The following HNF4G variants were observed in gnomAD, a reference collection of about 807,000 sequenced individuals.
The protein encoded by HNF4G is hepatocyte nuclear factor 4 gamma.
Under a neutral mutation model 50.9 loss-of-function variants are expected in HNF4G, and 21 were observed. The observed-to-expected ratio is 0.41, with a 90% CI of 0.29 to 0.59. The LOEUF (loss-of-function observed/expected upper bound fraction) is 0.59, where lower values mean the gene tolerates loss of function less well. HNF4G is among the 20% of genes least tolerant of loss of function. The pLI is 0.26. For synonymous variants in HNF4G, 198 were observed against 185.6 expected (o/e 1.07, Z -0.54); for missense variants, 527 against 559.4 (o/e 0.94, Z 0.58).
At chr8:75,513,898 GTTAAGAC>G (rs66526812) in intron 2 of HNF4G, among the ~76,000 whole-genome samples, 41,455 of 150,844 alleles carry the variant, frequency 0.27, 6,297 homozygotes, top group Middle Eastern at 0.45. Context: ...TCATTTTTAG[GTTAAGAC>G]TTTCTCTATA....
At chr8:75,501,537 T>C (rs1050406774) in intron 2 of HNF4G, among the ~76,000 whole-genome samples, 6 of 152,194 alleles carry the variant, frequency 3.9e-5, no homozygotes, top group African/African-American at 1.4e-4. Context: ...CATATAGTTT[T>C]GTTATTTTTT....
chr8:75,449,817 A>C (rs1811543969), intron 1 of HNF4G, among the ~76,000 whole-genome samples: 1 of 152,052 alleles, frequency 6.6e-6, no homozygotes, highest in African/African-American at 2.4e-5. Context: ...TATCTCAATA[A>C]TATTTTTTGT....
At chr8:75,536,748 A>G (rs918406663), upstream of HNF4G, among the ~76,000 whole-genome samples, 4 of 152,144 alleles carry the variant, frequency 2.6e-5, no homozygotes, top group Non-Finnish European at 4.4e-5. Context: ...ATTAGTATTA[A>G]GAGTATGCTG....
At position 75,448,289 on chromosome 8, in the gene HNF4G, G is replaced by C. The variant is rs1213529425; in HGVS notation, c.-144+40127G>C. ...CACACTCTGGGGACTGTGGTGGGGT[G>C]GGGGGAGGGGGGAGGGATATCATTG... On this transcript the variant is annotated intron_variant, in intron 1 of 10. Transcript: ENST00000354370. Among the ~76,000 whole-genome samples the C allele has an allele frequency of 9.9e-5, 11 of 111,116 alleles. No homozygotes were observed. The East Asian group carries it at 2.1e-3, about 21-fold the overall frequency. 72.9% of individuals were successfully genotyped at this position (111,116 alleles called of 152,430 possible). A position where few individuals can be genotyped will look rare whatever the true frequency, so the allele number is the denominator to read the frequency against.
intron 1 of HNF4G, among the ~76,000 whole-genome samples, chr8:75,448,313 T>A (rs1190467318): frequency 1.5e-5 from 2 of 136,694 alleles, no homozygotes; most frequent in African/African-American, 2.7e-5. Flanking sequence ...GGGATATCAT[T>A]GGGAGATATA....
chr8:75,488,257 AC>A (rs1402404325), intron 1 of HNF4G, among the ~76,000 whole-genome samples: 1 of 151,978 alleles, frequency 6.6e-6, no homozygotes, highest in Admixed American at 6.6e-5. Context: ...TGGTCATTGG[AC>A]TTTTTTTGTT....
chr8:75,552,184 G>A (rs936161858), intron 4 of HNF4G, among the ~76,000 whole-genome samples: 5 of 152,030 alleles, frequency 3.3e-5, no homozygotes, highest in Admixed American at 2.6e-4. Flanking sequence ...CCTATAATGA[G>A]TCAGTGCAAC....
intron 4 of HNF4G, 52 bp downstream of exon 4, chr8:75,551,546 T>A (rs1214874782): frequency 9.6e-7 from 1 of 1,037,136 alleles, no homozygotes. Context: ...CAAATGTCCA[T>A]GTAGGCATCA....
intron 1 of HNF4G, among the ~76,000 whole-genome samples, chr8:75,471,502 G>T (rs72658102): frequency 0.04 from 6,123 of 152,232 alleles, 150 homozygotes; most frequent in Middle Eastern, 0.068. Flanking sequence ...GTTTTTTCAA[G>T]ATGCTTTCTG....
chr8:75,460,307 T>C (rs762157445), intron 1 of HNF4G, among the ~76,000 whole-genome samples: 9 of 152,140 alleles, frequency 5.9e-5, no homozygotes, highest in Non-Finnish European at 8.8e-5. Context: ...ACTAAATACT[T>C]AGTGCTTTTA....
Position 75,460,190 on chromosome 8 carries a change from G to A in HNF4G, c.-143-29899G>A, listed in dbSNP as rs544789059. Among the ~76,000 whole-genome samples, 292 of 152,192 alleles carry A rather than the reference G, an allele frequency of 1.9e-3. 1 individual carries two copies. Among genetic ancestry groups the A allele is most frequent in the African/African-American group, 6.7e-3 (279 of 41,538 alleles). On this transcript the variant is annotated intron_variant, in intron 1 of 10. Transcript: ENST00000354370. ...GAAAGAGTTAATATTGTTTCCTACA[G>A]GCCTGATTAATAAAGACATTACCTA...
chr8:75,563,661 T>C (rs16939103), intron 9 of HNF4G, among the ~76,000 whole-genome samples: 2,327 of 152,260 alleles, frequency 0.015, 27 homozygotes, highest in Middle Eastern at 0.078. Context: ...ACTGCCTTTT[T>C]TTCCTGCTAG....
intron 1 of HNF4G, among the ~76,000 whole-genome samples, chr8:75,487,254 T>A (rs1035536614): frequency 1.3e-5 from 2 of 150,692 alleles, no homozygotes; most frequent in Admixed American, 6.6e-5. Flanking sequence ...TTCTTATATT[T>A]TTTTATTTTA....
intron 1 of HNF4G, among the ~76,000 whole-genome samples, chr8:75,435,122 T>C (rs1186439863): frequency 6.6e-6 from 1 of 152,188 alleles, no homozygotes; most frequent in Non-Finnish European, 1.5e-5. Flanking sequence ...GGAAAAATAG[T>C]AGGTCCATCT....
At chr8:75,534,847 CTG>C (rs1211826657) in intron 2 of HNF4G, among the ~76,000 whole-genome samples, 4 of 151,638 alleles carry the variant, frequency 2.6e-5, no homozygotes, top group Non-Finnish European at 4.4e-5. Context: ...ATATATAAAA[CTG>C]TAAGCAAAGC....
chr8:75,474,624 C>G (rs1812195128), intron 1 of HNF4G, among the ~76,000 whole-genome samples: 1 of 152,032 alleles, frequency 6.6e-6, no homozygotes, highest in Admixed American at 6.6e-5. Context: ...TGTCTGAATT[C>G]AGAGGAAATT....
chr8:75,545,828 T>G (rs956177726), intron 2 of HNF4G, among the ~76,000 whole-genome samples: 2 of 152,148 alleles, frequency 1.3e-5, no homozygotes, highest in African/African-American at 4.8e-5. Flanking sequence ...ATCTTGTATG[T>G]TGTAGGTGCT....
At chr8:75,422,677 AGGCT>A (rs1242241413) in intron 1 of HNF4G, among the ~76,000 whole-genome samples, 1 of 150,252 alleles carries the variant, frequency 6.7e-6, no homozygotes, top group Admixed American at 6.7e-5. Context: ...TCTGTCACCC[AGGCT>A]GGAGTGCGGT....
intron 1 of HNF4G, among the ~76,000 whole-genome samples, chr8:75,473,683 A>G (rs1381223553): frequency 1.3e-5 from 2 of 152,184 alleles, no homozygotes; most frequent in Non-Finnish European, 2.9e-5. Context: ...ACAAAGCTAC[A>G]TGTTAGGAAG....
Sources: gnomAD v4.1 joint callset for allele counts (sites outside exome capture counted in the v4.1 genomes callset) on GRCh38, gnomAD v4.1.1 for gene constraint, MANE v1.5 for transcripts, NCBI Gene and HGNC (gene_info 2026-07-23, HGNC 2026-07-21) for gene names.